The following HIP1 variants were observed in gnomAD, a reference collection of about 807,000 sequenced individuals.
HIP1 encodes huntingtin interacting protein 1.
In HIP1, 65 loss-of-function variants were observed where a neutral mutation model predicts 147.6. That is an observed-to-expected ratio of 0.44 (90% CI 0.36 to 0.54). HIP1 has a LOEUF of 0.54. Ranked by LOEUF, HIP1 falls within the 20% of genes least tolerant of loss-of-function variation. The pLI is 0.00. For missense variants in HIP1, 1,061 were observed against 1,299.6 expected (o/e 0.82, Z 2.82); for synonymous variants, 479 against 504.0 (o/e 0.95, Z 0.67).
In HIP1 at chr7:75,655,989, C is replaced by T. The variant is rs192670382; in HGVS notation, c.121-56742G>A. ...CAAAAATTAGCCAGGTGTGGTGGTG[C>T]GTGCCTGTGGTCCCAACTACTCGGG... On this transcript the variant is annotated intron_variant, in intron 1 of 30. Transcript: ENST00000336926. 3.6e-3 allele frequency among the ~76,000 whole-genome samples: 544 copies of T among 151,966 alleles called. 1 individual carries two copies. The highest frequency in any genetic ancestry group is 0.013 in the African/African-American group (531 of 41,468).
chr7:75,574,929 G>C (rs1554497415), intron 7 of HIP1, among the ~76,000 whole-genome samples: 1 of 152,144 alleles, frequency 6.6e-6, no homozygotes, highest in Non-Finnish European at 1.5e-5. Context: ...TGAGGCCGAG[G>C]TGGGGGGACT....
intron 9 of HIP1, among the ~76,000 whole-genome samples, chr7:75,566,317 C>A (rs928581912): frequency 6.6e-6 from 1 of 151,510 alleles, no homozygotes; most frequent in Non-Finnish European, 1.5e-5. Context: ...CCACTGCACC[C>A]GGCTGGTGTT....
rs1465795420 is a variant in HIP1 at position 75,664,122 on chromosome 7, G to A, written c.121-64875C>T. Among the ~76,000 whole-genome samples the A allele has an allele frequency of 8.7e-5, 5 of 57,448 alleles. 2 individuals are homozygous for A. The highest frequency in any genetic ancestry group is 1.7e-4 in the Non-Finnish European group (5 of 29,062). 37.7% of individuals were successfully genotyped at this position (57,448 alleles called of 152,430 possible). On this transcript the variant is annotated intron_variant, in intron 1 of 30. Transcript: ENST00000336926. ...TGCATACATACATGTATGCATATAT[G>A]CACACACATGTGTGTACATACATAC...
At chr7:75,547,994 G>T (rs1250819283) in intron 23 of HIP1, among the ~76,000 whole-genome samples, 181 bp from the exon 24 acceptor site, 1 of 152,024 alleles carries the variant, frequency 6.6e-6, no homozygotes, top group Non-Finnish European at 1.5e-5. Context: ...CTATTCAGGG[G>T]GAGTGCAGCT....
At chr7:75,602,492 C>T (rs1418695869) in intron 1 of HIP1, among the ~76,000 whole-genome samples, 1 of 123,518 alleles carries the variant, frequency 8.1e-6, no homozygotes, top group Non-Finnish European at 1.6e-5. Flanking sequence ...CTCAGATATG[C>T]TCTTTTTTTT....
At chr7:75,596,995 GT>G (rs1796772459) in intron 2 of HIP1, among the ~76,000 whole-genome samples, 1 of 152,194 alleles carries the variant, frequency 6.6e-6, no homozygotes, top group Non-Finnish European at 1.5e-5. Flanking sequence ...TCAGGGCTGA[GT>G]CATTTCCTCT....
chr7:75,645,602 G>A (rs1487543037), intron 1 of HIP1, among the ~76,000 whole-genome samples: 2 of 152,120 alleles, frequency 1.3e-5, no homozygotes, highest in African/African-American at 4.8e-5. Flanking sequence ...GCTACCCAAA[G>A]GAAAATAGAT....
At chr7:75,645,372 A>T (rs1175019702) in intron 1 of HIP1, among the ~76,000 whole-genome samples, 2 of 152,004 alleles carry the variant, frequency 1.3e-5, no homozygotes, top group African/African-American at 4.8e-5. Flanking sequence ...GATTATAGGC[A>T]TGCACCACCA....
At chr7:75,564,154 A>C (rs1485631506) in intron 9 of HIP1, among the ~76,000 whole-genome samples, 1 of 152,158 alleles carries the variant, frequency 6.6e-6, no homozygotes, top group Non-Finnish European at 1.5e-5. Flanking sequence ...GGCCTCCCAA[A>C]GTGCTGGGAT....
At chr7:75,651,288 G>A (rs1798974578) in intron 1 of HIP1, among the ~76,000 whole-genome samples, 2 of 151,468 alleles carry the variant, frequency 1.3e-5, no homozygotes, top group African/African-American at 4.9e-5. Flanking sequence ...TGAAACCACC[G>A]TCTCTACTAA....
chr7:75,703,589 C>T (rs782141019), intron 1 of HIP1, among the ~76,000 whole-genome samples: 5 of 150,618 alleles, frequency 3.3e-5, no homozygotes, highest in Non-Finnish European at 7.4e-5. Flanking sequence ...ACAACAAGAG[C>T]GAAACTCCGT....
intron 4 of HIP1, among the ~76,000 whole-genome samples, chr7:75,588,334 C>A (rs1336360170): frequency 6.6e-6 from 1 of 152,076 alleles, no homozygotes; most frequent in African/African-American, 2.4e-5. Context: ...ACAGCATGGG[C>A]AAAATGCACC....
intron 1 of HIP1, among the ~76,000 whole-genome samples, chr7:75,641,749 G>T (rs1554510540): frequency 6.6e-6 from 1 of 152,164 alleles, no homozygotes; most frequent in African/African-American, 2.4e-5. Context: ...AAAGTGCTGG[G>T]ATTACAGGCG....
rs1400614048 is a variant in HIP1 at position 75,568,420 on chromosome 7, G to T, written c.746-164C>A. ...CTGTCCCGAGGTCTGGTAACCAAGG[G>T]AGCCCAGCAGGAACCAGCAGGAGTG... On this transcript the variant is annotated intron_variant, in intron 8 of 30. Transcript: ENST00000336926. The surrounding 1 kb of genome is among the most constrained non-coding windows in gnomAD (Gnocchi z 4.1). 6.6e-6 allele frequency among the ~76,000 whole-genome samples: 1 copy of T among 152,156 alleles called. No homozygotes were observed. Among genetic ancestry groups the T allele is most frequent in the Admixed American group, 6.5e-5 (1 of 15,272 alleles).
rs1794046127 is a variant in HIP1, at chr7:75,535,372, T to C, written c.*2800A>G. ...GCTCTGACACAGAATCTTTTTTTTT[T>C]TGAGACAGGGTCTCACTCTGTCACC... On this transcript the variant is annotated 3_prime_UTR_variant, in exon 31 of 31. Coordinates refer to ENST00000336926, the MANE Select transcript of HIP1 (RefSeq NM_005338.7). 1 of 188,518 alleles carries C rather than the reference T, an allele frequency of 5.3e-6. No homozygotes were observed. Among genetic ancestry groups the C allele is most frequent in the East Asian group, 8.5e-5 (1 of 11,824 alleles). 11.7% of individuals were successfully genotyped at this position (188,518 alleles called of 1,614,324 possible). A position where few individuals can be genotyped will look rare whatever the true frequency, so the allele number is the denominator to read the frequency against.
At chr7:75,566,804 T>C (rs1795419250) in intron 9 of HIP1, among the ~76,000 whole-genome samples, 1 of 151,206 alleles carries the variant, frequency 6.6e-6, no homozygotes, top group African/African-American at 2.5e-5. Flanking sequence ...AAATGGATGA[T>C]GGCAGTATTT....
chr7:75,697,464 T>A (rs1447143972), intron 1 of HIP1, among the ~76,000 whole-genome samples: 1 of 151,884 alleles, frequency 6.6e-6, no homozygotes, highest in African/African-American at 2.4e-5. Context: ...TAAAAAAAAA[T>A]ATTCAGTAGA....
At chr7:75,629,241 C>G (rs1250152770) in intron 1 of HIP1, among the ~76,000 whole-genome samples, 1 of 152,156 alleles carries the variant, frequency 6.6e-6, no homozygotes. Flanking sequence ...AGCGTAAACC[C>G]GTTGGCCAGA....
At chr7:75,632,938 T>C (rs1554509142) in intron 1 of HIP1, among the ~76,000 whole-genome samples, 1 of 152,158 alleles carries the variant, frequency 6.6e-6, no homozygotes, top group South Asian at 2.1e-4. Flanking sequence ...TTCTCACTTA[T>C]AAGTAGGACC....
Sources: allele counts gnomAD v4.1 joint callset (sites outside exome capture counted in the v4.1 genomes callset), GRCh38; gene constraint gnomAD v4.1.1; non-coding constraint Gnocchi (gnomAD v3.1); transcripts MANE v1.5; gene names NCBI Gene and HGNC (gene_info 2026-07-23, HGNC 2026-07-21).